DCDC2: variants seen among roughly 807,000 people sequenced by gnomAD.
DCDC2 encodes doublecortin domain-containing protein 2.
Under a neutral mutation model 50.2 loss-of-function variants are expected in DCDC2, and 40 were observed. The observed-to-expected ratio is 0.80, with a 90% CI of 0.62 to 1.04. The LOEUF is 1.04. Among genes scored for constraint, DCDC2 ranks in the 50% least tolerant of loss-of-function variants. DCDC2 has a pLI of 0.00. For missense variants in DCDC2, 570 were observed against 581.9 expected, an observed-to-expected ratio of 0.98 and a Z score of 0.21; for synonymous variants, 234 against 210.6, an observed-to-expected ratio of 1.11 and a Z score of -0.96.
At chr6:24,298,885 T>C (rs1039681522) in intron 4 of DCDC2, among the ~76,000 whole-genome samples, 1 of 152,198 alleles carries the variant, frequency 6.6e-6, no homozygotes, top group Non-Finnish European at 1.5e-5. Context: ...TGAAACTTAA[T>C]ACAACAATTC....
chr6:24,195,668 G>T (rs1761417573), intron 8 of DCDC2, among the ~76,000 whole-genome samples: 1 of 152,124 alleles, frequency 6.6e-6, no homozygotes, highest in African/African-American at 2.4e-5. Context: ...CCTTCTAGAT[G>T]CCCATAGCAC....
chr6:24,290,190 T>C (rs1481306963), intron 5 of DCDC2, among the ~76,000 whole-genome samples: 5 of 151,130 alleles, frequency 3.3e-5, no homozygotes, highest in Non-Finnish European at 7.4e-5. Context: ...AGACGGGGTT[T>C]CACCGTTTTA....
At position 24,197,504 on chromosome 6, in the gene DCDC2, A is replaced by T. The variant is rs114119092; in HGVS notation, c.1023+7498T>A. On this transcript the variant is annotated intron_variant, in intron 8 of 9. Transcript: ENST00000378454. ...TTGTCTTAAAATATACTATTTAATT[A>T]TGGCTTCACAGAAGACTTAAAGTTT... 9.9e-3 allele frequency among the ~76,000 whole-genome samples: 1,501 copies of T among 152,340 alleles called. 31 individuals carry two copies. Among genetic ancestry groups the T allele is most frequent in the African/African-American group, 0.034 (1,423 of 41,572 alleles).
intron 1 of DCDC2, among the ~76,000 whole-genome samples, chr6:24,356,575 G>C (rs1422237325): frequency 1.3e-5 from 2 of 152,122 alleles, no homozygotes; most frequent in Non-Finnish European, 2.9e-5. Flanking sequence ...AAAATGGAAT[G>C]TAAAATTCTA....
chr6:24,229,028 G>T (rs934484783), intron 7 of DCDC2, among the ~76,000 whole-genome samples: 1 of 152,188 alleles, frequency 6.6e-6, no homozygotes, highest in African/African-American at 2.4e-5. Flanking sequence ...AAGTAGATGC[G>T]TTGTGAAAAC....
At chr6:24,298,503 C>G (rs966772572) in intron 4 of DCDC2, among the ~76,000 whole-genome samples, 1 of 152,246 alleles carries the variant, frequency 6.6e-6, no homozygotes. Flanking sequence ...AGCCCTGCTA[C>G]TCAGTATCTC....
chr6:24,368,337 C>T, the DCDC2 span, among the ~76,000 whole-genome samples: 1 of 151,618 alleles, frequency 6.6e-6, no homozygotes, highest in East Asian at 1.9e-4. Flanking sequence ...TATTCATATT[C>T]AGGGAGTCAA....
At chr6:24,191,264 G>A (rs1261541079) in intron 8 of DCDC2, among the ~76,000 whole-genome samples, 2 of 152,170 alleles carry the variant, frequency 1.3e-5, no homozygotes, top group East Asian at 3.8e-4. Flanking sequence ...TTCACAAGAG[G>A]AGCTGCAGGT....
chr6:24,302,074 C>A (rs1015502277), intron 2 of DCDC2, 30 bp from the exon 3 acceptor site: 2 of 1,581,652 alleles, frequency 1.3e-6, no homozygotes, highest in Non-Finnish European at 1.7e-6. Context: ...AAAATATAAA[C>A]CACTAAGCTT....
At chr6:24,291,388 G>C (rs1177483194) in intron 4 of DCDC2, among the ~76,000 whole-genome samples, 2 of 151,718 alleles carry the variant, frequency 1.3e-5, no homozygotes, top group Admixed American at 6.6e-5. Context: ...AATTTTAGAG[G>C]AGAAAAATTA....
intron 6 of DCDC2, among the ~76,000 whole-genome samples, chr6:24,281,770 G>T (rs541827638): frequency 2.0e-5 from 3 of 152,188 alleles, no homozygotes; most frequent in African/African-American, 7.2e-5. Context: ...AGAGATAGGG[G>T]AGTTTTGCTA....
intron 6 of DCDC2, among the ~76,000 whole-genome samples, chr6:24,286,770 T>C (rs369732959): frequency 3.9e-5 from 6 of 152,160 alleles, no homozygotes; most frequent in African/African-American, 1.4e-4. Flanking sequence ...GCCTTCTTCT[T>C]GGCCATAGAA....
intron 4 of DCDC2, among the ~76,000 whole-genome samples, chr6:24,297,705 TA>T (rs201726206): frequency 6.6e-6 from 1 of 151,886 alleles, no homozygotes; most frequent in Non-Finnish European, 1.5e-5. Context: ...ATTATATATG[TA>T]AAAAAAATTG....
chr6:24,363,927 T>A, the DCDC2 span, among the ~76,000 whole-genome samples: 4 of 152,208 alleles, frequency 2.6e-5, no homozygotes, highest in Admixed American at 2.6e-4. Context: ...TACAGTGAAA[T>A]CCAATATCAT....
At chr6:24,278,944 G>A (rs531268056) in intron 6 of DCDC2, among the ~76,000 whole-genome samples, 1 of 152,132 alleles carries the variant, frequency 6.6e-6, no homozygotes, top group Admixed American at 6.5e-5. Context: ...ACTTGTTCCT[G>A]AGGGAGCTGC....
chr6:24,282,591 TCCAA>T (rs1763501850), intron 6 of DCDC2, among the ~76,000 whole-genome samples: 1 of 152,114 alleles, frequency 6.6e-6, no homozygotes, highest in Non-Finnish European at 1.5e-5. Flanking sequence ...TCCAACTAGA[TCCAA>T]CCAACTCAGG....
chr6:24,322,189 C>T (rs1421858320), intron 2 of DCDC2, among the ~76,000 whole-genome samples: 2 of 152,060 alleles, frequency 1.3e-5, no homozygotes, highest in African/African-American at 2.4e-5. Flanking sequence ...GAACAGGGAA[C>T]ATAATTTCCT....
At chr6:24,218,756 C>T (rs988952753) in intron 7 of DCDC2, among the ~76,000 whole-genome samples, 32 of 152,104 alleles carry the variant, frequency 2.1e-4, no homozygotes, top group Middle Eastern at 3.4e-3. Context: ...CCCAAAGTGC[C>T]GGGATTAAGG....
At position 24,196,892 on chromosome 6, in the gene DCDC2, T is replaced by C. The variant is rs1018995565; in HGVS notation, c.1023+8110A>G. 1.2e-4 allele frequency among the ~76,000 whole-genome samples: 18 copies of C among 152,240 alleles called. 1 individual carries two copies. The highest frequency in any genetic ancestry group is 4.4e-5 in the Non-Finnish European group (3 of 68,036). ...GTTGGTCTTACTATAATGAAACTAA[T>C]GGGCTTTCAACGAATTTCTCCACAC... is the stretch of plus-strand genomic sequence containing the variant. On this transcript the variant is annotated intron_variant, in intron 8 of 9. Transcript: ENST00000378454.
Sources: allele counts gnomAD v4.1 joint callset (sites outside exome capture counted in the v4.1 genomes callset), GRCh38; gene constraint gnomAD v4.1.1; transcripts MANE v1.5; gene names NCBI Gene and HGNC (gene_info 2026-07-23, HGNC 2026-07-21).